ARL15: variants seen among roughly 807,000 people sequenced by gnomAD.
ARL15 encodes ADP-ribosylation factor-like protein 15.
A neutral mutation model predicts 25.2 loss-of-function variants in ARL15; 19 were observed. The observed-to-expected ratio is 0.75, with a 90% CI of 0.53 to 1.10. The LOEUF is 1.10. Ranked by LOEUF, ARL15 falls within the 50% of genes least tolerant of loss-of-function variation. ARL15 has a pLI of 0.00. For synonymous variants in ARL15, 94 were observed against 86.8 expected (o/e 1.08, Z -0.46); for missense variants, 220 against 246.0 (o/e 0.89, Z 0.71).
At chr5:54,235,522 C>T (rs1235714774) in intron 1 of ARL15, among the ~76,000 whole-genome samples, 2 of 147,148 alleles carry the variant, frequency 1.4e-5, no homozygotes, top group East Asian at 2.0e-4. Flanking sequence ...GACAAGGTCT[C>T]GCTCTGTCAC....
Position 54,197,056 on chromosome 5 carries a change from C to A in ARL15, c.49-25128G>T, listed in dbSNP as rs542183586. On this transcript the variant is annotated intron_variant, in intron 1 of 4. Coordinates refer to ENST00000504924, the MANE Select transcript of ARL15 (RefSeq NM_019087.3). Reference sequence around the variant, plus strand: ...GATATTTTTGGGAAACAGATAAGTTCATTTCAGTTCTTCACAACACATAGA... The same window carrying A: ...GATATTTTTGGGAAACAGATAAGTTAATTTCAGTTCTTCACAACACATAGA... Among the ~76,000 whole-genome samples the A allele has an allele frequency of 2.0e-5, 3 of 152,100 alleles. No individual in the cohort carries two copies. In the South Asian group the frequency reaches 6.2e-4, roughly 32 times the overall value.
intron 4 of ARL15, among the ~76,000 whole-genome samples, chr5:54,050,773 C>T (rs1330797596): frequency 1.3e-5 from 2 of 152,172 alleles, no homozygotes; most frequent in Admixed American, 1.3e-4. Flanking sequence ...TCTGAAATAT[C>T]TCTTCAGCTG....
intron 4 of ARL15, among the ~76,000 whole-genome samples, chr5:53,996,051 C>T (rs1025441120): frequency 6.6e-6 from 1 of 152,152 alleles, no homozygotes; most frequent in South Asian, 2.1e-4. Context: ...GGGGTTCATA[C>T]ATTATCAATA....
intron 4 of ARL15, among the ~76,000 whole-genome samples, chr5:54,056,578 C>G (rs1750876250): frequency 6.7e-6 from 1 of 149,344 alleles, no homozygotes; most frequent in Non-Finnish European, 1.5e-5. Context: ...TGCAGTGAGC[C>G]AACATTGCGC....
intron 1 of ARL15, among the ~76,000 whole-genome samples, chr5:54,204,878 C>A (rs1755822800): frequency 6.6e-6 from 1 of 151,052 alleles, no homozygotes; most frequent in South Asian, 2.1e-4. Context: ...ATGGAAGTAC[C>A]TGGAGGAATG....
intron 4 of ARL15, among the ~76,000 whole-genome samples, chr5:54,062,004 G>T (rs1028900606): frequency 6.6e-6 from 1 of 152,330 alleles, no homozygotes; most frequent in Admixed American, 6.5e-5. Flanking sequence ...GCATCTGTGC[G>T]ACCTGGATAT....
At chr5:54,008,090 T>C (rs576507163) in intron 4 of ARL15, among the ~76,000 whole-genome samples, 1 of 152,178 alleles carries the variant, frequency 6.6e-6, no homozygotes, top group Non-Finnish European at 1.5e-5. Flanking sequence ...AGGAGCTAAA[T>C]AACTTCTATA....
At chr5:54,127,552 A>G (rs1753299099) in intron 3 of ARL15, among the ~76,000 whole-genome samples, 2 of 151,810 alleles carry the variant, frequency 1.3e-5, no homozygotes, top group East Asian at 1.9e-4. Flanking sequence ...TTCCATGCTC[A>G]TGGGTAGGAA....
chr5:54,100,750 T>C (rs920599572), intron 4 of ARL15, among the ~76,000 whole-genome samples: 1 of 152,142 alleles, frequency 6.6e-6, no homozygotes, highest in Admixed American at 6.5e-5. Context: ...ATAGTCTATG[T>C]TTCATTTTGT....
intron 2 of ARL15, among the ~76,000 whole-genome samples, chr5:54,155,784 A>G (rs1754214966): frequency 6.6e-6 from 1 of 152,082 alleles, no homozygotes; most frequent in South Asian, 2.1e-4. Flanking sequence ...CTCTCAGGAA[A>G]ACTGGGAATC....
intron 2 of ARL15, among the ~76,000 whole-genome samples, chr5:54,160,825 C>T (rs1300931289): frequency 6.6e-6 from 1 of 152,156 alleles, no homozygotes; most frequent in African/African-American, 2.4e-5. Context: ...ACACATCCTT[C>T]TCATATGTTT....
Position 54,194,339 on chromosome 5 carries a change from T to C in ARL15, c.49-22411A>G, listed in dbSNP as rs1755493933. Reference sequence around the variant, plus strand: ...GCAAGGATAAAAGATGATTCAAGCCTAATATGCAAGGCTCCTCACCTCTCC... The same window carrying C: ...GCAAGGATAAAAGATGATTCAAGCCCAATATGCAAGGCTCCTCACCTCTCC... On this transcript the variant is annotated intron_variant, in intron 1 of 4. Coordinates refer to ENST00000504924, the MANE Select transcript of ARL15 (RefSeq NM_019087.3). Among the ~76,000 whole-genome samples the C allele has an allele frequency of 2.0e-5, 3 of 152,150 alleles. No individual in the cohort carries two copies. The South Asian group carries it at 6.2e-4, about 32-fold the overall frequency.
intron 4 of ARL15, among the ~76,000 whole-genome samples, chr5:53,970,839 T>C (rs1470142443): frequency 5.9e-5 from 9 of 152,222 alleles, no homozygotes; most frequent in Admixed American, 5.9e-4. Flanking sequence ...CACAAATGCA[T>C]TCCTTCTGAA....
chr5:53,999,973 T>C (rs985878318), intron 4 of ARL15, among the ~76,000 whole-genome samples: 7 of 152,072 alleles, frequency 4.6e-5, no homozygotes, highest in African/African-American at 1.7e-4. Flanking sequence ...TGGGGTATAG[T>C]AGACAGAAAA....
chr5:54,241,723 T>A (rs969081000), intron 1 of ARL15, among the ~76,000 whole-genome samples: 4 of 152,000 alleles, frequency 2.6e-5, no homozygotes, highest in Non-Finnish European at 4.4e-5. Flanking sequence ...AGACAAGATA[T>A]GTAGCAAGCA....
intron 4 of ARL15, among the ~76,000 whole-genome samples, chr5:53,976,024 T>C (rs565397802): frequency 3.9e-5 from 6 of 152,364 alleles, no homozygotes; most frequent in African/African-American, 1.4e-4. Flanking sequence ...GTGCCATCAA[T>C]GTTCTGTTTA....
chr5:54,289,148 C>G (rs1188164640), intron 1 of ARL15, among the ~76,000 whole-genome samples: 3 of 152,110 alleles, frequency 2.0e-5, no homozygotes, highest in African/African-American at 7.2e-5. Flanking sequence ...TTTAGATGCC[C>G]AAGCTGAAGC....
intron 2 of ARL15, among the ~76,000 whole-genome samples, chr5:54,157,843 T>C (rs1338396910): frequency 6.6e-6 from 1 of 152,252 alleles, no homozygotes; most frequent in African/African-American, 2.4e-5. Flanking sequence ...TGTCTCCATA[T>C]TATTTTTACG....
At chr5:54,029,253 T>C (rs1320590509) in intron 4 of ARL15, among the ~76,000 whole-genome samples, 1 of 151,720 alleles carries the variant, frequency 6.6e-6, no homozygotes, top group Non-Finnish European at 1.5e-5. Context: ...TGAGATAATG[T>C]TTGTTAAATG....
Sources: gnomAD v4.1 joint callset for allele counts (sites outside exome capture counted in the v4.1 genomes callset) on GRCh38, gnomAD v4.1.1 for gene constraint, MANE v1.5 for transcripts, NCBI Gene and HGNC (gene_info 2026-07-23, HGNC 2026-07-21) for gene names.